The following DNM3 variants were observed in gnomAD, a reference collection of about 807,000 sequenced individuals.
DNM3 encodes the protein dynamin-3.
DNM3 carries 47 observed loss-of-function variants against 101.6 expected under a neutral mutation model. The ratio of observed to expected loss-of-function variants is 0.46; its 90% CI spans 0.37 to 0.59. The LOEUF (loss-of-function observed/expected upper bound fraction) is 0.59. Ranked by LOEUF, DNM3 falls within the 20% of genes least tolerant of loss-of-function variation. The probability of loss-of-function intolerance (pLI) is 0.00; values close to 1 mark genes in which losing one functional copy is unlikely to be tolerated. For missense variants in DNM3, 849 were observed against 1,085.7 expected, an observed-to-expected ratio of 0.78 and a Z score of 3.06; for synonymous variants, 385 against 387.9, an observed-to-expected ratio of 0.99 and a Z score of 0.09.
At chr1:172,292,781 C>T (rs982529238) in intron 15 of DNM3, among the ~76,000 whole-genome samples, 2 of 152,104 alleles carry the variant, frequency 1.3e-5, no homozygotes, top group Non-Finnish European at 2.9e-5. Flanking sequence ...TTTAAATTCA[C>T]TAGACAAGTT....
chr1:172,348,205 C>G (rs1416405601), intron 17 of DNM3, among the ~76,000 whole-genome samples: 1 of 151,958 alleles, frequency 6.6e-6, no homozygotes, highest in East Asian at 1.9e-4. Context: ...ATTCCGTATA[C>G]TAAAAGTACA....
chr1:172,320,444 G>C (rs2065654756), intron 16 of DNM3, among the ~76,000 whole-genome samples: 1 of 151,396 alleles, frequency 6.6e-6, no homozygotes, highest in Non-Finnish European at 1.5e-5. Flanking sequence ...GGAATACTTT[G>C]CAGCCATAAA....
intron 14 of DNM3, among the ~76,000 whole-genome samples, chr1:172,207,015 A>T (rs902509709): frequency 6.6e-6 from 1 of 151,956 alleles, no homozygotes; most frequent in African/African-American, 2.4e-5. Flanking sequence ...ACCACCCACA[A>T]ATGCCTGGTA....
intron 4 of DNM3, among the ~76,000 whole-genome samples, chr1:172,004,439 T>C (rs569577053): frequency 1.3e-5 from 2 of 152,144 alleles, no homozygotes; most frequent in Non-Finnish European, 2.9e-5. Context: ...ATCGTCCTCA[T>C]GCACATTGCT....
At chr1:171,851,287 G>A (rs570984475) in intron 1 of DNM3, among the ~76,000 whole-genome samples, 2 of 152,260 alleles carry the variant, frequency 1.3e-5, no homozygotes, top group East Asian at 1.9e-4. Flanking sequence ...GTGCAGTGCC[G>A]GCATATGGCA....
intron 15 of DNM3, among the ~76,000 whole-genome samples, chr1:172,275,595 T>A (rs185821742): frequency 7.9e-5 from 12 of 152,092 alleles, no homozygotes; most frequent in Non-Finnish European, 1.3e-4. Flanking sequence ...GATTATTAAT[T>A]TTTTCTTTCA....
intron 9 of DNM3, among the ~76,000 whole-genome samples, chr1:172,045,886 T>C (rs577418548): frequency 6.6e-6 from 1 of 152,322 alleles, no homozygotes; most frequent in South Asian, 2.1e-4. Context: ...TTGCATGTGA[T>C]GGGTGATTTT....
At chr1:172,259,371 T>TA (rs761722982) in intron 15 of DNM3, among the ~76,000 whole-genome samples, 1 of 152,070 alleles carries the variant, frequency 6.6e-6, no homozygotes, top group Non-Finnish European at 1.5e-5. Flanking sequence ...ATTCCTGTAT[T>TA]AGAGTCTTTC....
chr1:171,948,294 C>G (rs2042291612), intron 2 of DNM3, among the ~76,000 whole-genome samples: 1 of 152,122 alleles, frequency 6.6e-6, no homozygotes, highest in Non-Finnish European at 1.5e-5. Context: ...ACAATTTAAG[C>G]AGGCTCACTA....
chr1:171,989,009 A>G lies in DNM3; in HGVS notation c.450A>G (p.Pro150=). 6.2e-7 allele frequency: 1 copy of G among 1,609,138 alleles called. No individual in the cohort carries two copies. The highest frequency in any genetic ancestry group is 8.5e-7 in the Non-Finnish European group (1 of 1,177,486). ...ITKVPVGDQP[P]DIEYQIREMI... ...AAGTGCCTGTGGGAGATCAGCCACCAGATATCGAGTATCAGATCAGAGAAA... is the reference window on the plus strand; with the variant it reads ...AAGTGCCTGTGGGAGATCAGCCACCGGATATCGAGTATCAGATCAGAGAAA... Residue 150 remains proline, a synonymous_variant, in exon 4 of 21, where the codon CCA becomes CCG. Coordinates refer to ENST00000627582, the MANE Select transcript of DNM3 (RefSeq NM_015569.5).
At chr1:172,078,342 T>C (rs2125978798) in intron 11 of DNM3, among the ~76,000 whole-genome samples, 1 of 152,354 alleles carries the variant, frequency 6.6e-6, no homozygotes, top group African/African-American at 2.4e-5. Context: ...TCTGCCCGCC[T>C]TGGCCTCCCA....
intron 1 of DNM3, among the ~76,000 whole-genome samples, chr1:171,883,249 C>T (rs549454603): frequency 6.6e-6 from 1 of 151,656 alleles, no homozygotes; most frequent in African/African-American, 2.4e-5. Context: ...AGTGGCTCAC[C>T]TGTATAATCC....
chr1:171,847,886 CTCTCTCTCTCTG>C (rs1487586643), intron 1 of DNM3, among the ~76,000 whole-genome samples: 44 of 50,938 alleles, frequency 8.6e-4, no homozygotes, highest in Admixed American at 5.1e-3. Context: ...ATTACTCTCT[CTCTCTCTCTCTG>C]TGTGTGTGTG....
chr1:172,059,121 T>C (rs1396978639), intron 10 of DNM3, among the ~76,000 whole-genome samples: 2 of 151,334 alleles, frequency 1.3e-5, no homozygotes, highest in Non-Finnish European at 3.0e-5. Flanking sequence ...CCTTGACACA[T>C]ACACTCTCCC....
chr1:172,410,060 C>T lies in DNM3; in HGVS notation c.*2219C>T. 1 of 985,540 alleles carries T rather than the reference C, an allele frequency of 1.0e-6. No homozygotes were observed. Among genetic ancestry groups the T allele is most frequent in the Non-Finnish European group, 1.2e-6 (1 of 829,886 alleles). 61.0% of individuals were successfully genotyped at this position (985,540 alleles called of 1,614,324 possible). On this transcript the variant is annotated 3_prime_UTR_variant, in exon 21 of 21. Coordinates refer to ENST00000627582, the MANE Select transcript of DNM3 (RefSeq NM_015569.5). ...CCCACAGTTGCACTGCCCCAATTGT[C>T]TACCTTTGTGGGTACATTTTTGTTC...
intron 10 of DNM3, 100 bp downstream of exon 10, chr1:172,048,850 A>G: frequency 7.0e-7 from 1 of 1,423,590 alleles, no homozygotes; most frequent in Non-Finnish European, 9.6e-7. Flanking sequence ...ACTTTGTTAT[A>G]GATGTTGTGT....
In DNM3 at chr1:172,033,220, C is replaced by T. The variant is rs778612178; in HGVS notation, c.804C>T (p.Ile268=). 8.7e-6 allele frequency: 14 copies of T among 1,606,774 alleles called. No homozygotes were observed. Among genetic ancestry groups the T allele is most frequent in the African/African-American group, 4.0e-5 (3 of 74,850 alleles). The change falls in exon 6 of 21, where the codon ATC becomes ATT. Residue 268 remains isoleucine (I), a synonymous_variant. Transcript: ENST00000627582. ...FFLSHPAYRH[I]ADRMGTPHLQ... ...TTTCCCACCCGGCTTACAGACATAT[C>T]GCTGACCGAATGGGAACCCCACACC...
chr1:172,399,164 C>T (rs115834967), intron 20 of DNM3, among the ~76,000 whole-genome samples: 2 of 152,226 alleles, frequency 1.3e-5, no homozygotes, highest in Non-Finnish European at 2.9e-5. Flanking sequence ...GCCCAGGGGA[C>T]ATATTATTCT....
chr1:172,061,885 G>A lies in DNM3; in HGVS notation c.1336-6934G>A, dbSNP rs942432874. ...AAAATTAAAAAAAAAGAAAATACTT[G>A]CATTTCACCCCCTCTAATGGTTGCC... On this transcript the variant is annotated intron_variant, in intron 10 of 20. Transcript: ENST00000627582. Among the ~76,000 whole-genome samples, 5 of 152,076 alleles carry A rather than the reference G, an allele frequency of 3.3e-5. No individual in the cohort carries two copies. The East Asian group carries it at 7.7e-4, about 23-fold the overall frequency.
Sources: gnomAD v4.1 joint callset for allele counts (sites outside exome capture counted in the v4.1 genomes callset) on GRCh38, gnomAD v4.1.1 for gene constraint, MANE v1.5 for transcripts, NCBI Gene and HGNC (gene_info 2026-07-23, HGNC 2026-07-21) for gene names.